CNTRL: variants seen among roughly 807,000 people sequenced by gnomAD.
The protein encoded by CNTRL is centriolin, also known as 110 kDa centrosomal protein.
Under a neutral mutation model 303.7 loss-of-function variants are expected in CNTRL, and 233 were observed. The observed-to-expected ratio is 0.77, with a 90% confidence interval of 0.69 to 0.86. The LOEUF is 0.86. Among genes scored for constraint, CNTRL ranks in the 40% least tolerant of loss-of-function variants. The probability of loss-of-function intolerance (pLI) is 0.00; values close to 1 mark genes in which losing one functional copy is unlikely to be tolerated. For missense variants in CNTRL, 2,524 were observed against 2,650.6 expected, an observed-to-expected ratio of 0.95 and a Z score of 1.05; for synonymous variants, 900 against 922.2, an observed-to-expected ratio of 0.98 and a Z score of 0.44.
chr9:121,131,648 G>T (rs921437315), intron 14 of CNTRL, among the ~76,000 whole-genome samples: 2 of 152,198 alleles, frequency 1.3e-5, no homozygotes, highest in East Asian at 3.8e-4. Context: ...GGTTAATATT[G>T]TTATGTGTGG....
At chr9:121,082,768 G>A (rs145511550) in intron 2 of CNTRL, among the ~76,000 whole-genome samples, 2,885 of 152,092 alleles carry the variant, frequency 0.019, 93 homozygotes, top group African/African-American at 0.066. Flanking sequence ...TCAGGAGTTC[G>A]AGACCAGCCT....
In CNTRL at chr9:121,092,460, T is replaced by G. The variant is rs540488101; in HGVS notation, c.348+2055T>G. On this transcript the variant is annotated intron_variant, in intron 4 of 43. Coordinates refer to ENST00000373855, the MANE Select transcript of CNTRL (RefSeq NM_007018.6). ...GATAGATAGATAATATATATCTATATATATATAATATATATCTATATATAT... is the reference window on the plus strand; with the variant it reads ...GATAGATAGATAATATATATCTATAGATATATAATATATATCTATATATAT... Among the ~76,000 whole-genome samples the G allele has an allele frequency of 7.0e-4, 78 of 112,172 alleles. 2 individuals are homozygous for G. The highest frequency in any genetic ancestry group is 2.7e-3 in the African/African-American group (76 of 28,404). 73.6% of individuals were successfully genotyped at this position (112,172 alleles called of 152,430 possible).
intron 7 of CNTRL, among the ~76,000 whole-genome samples, chr9:121,101,445 G>A (rs1205549659): frequency 6.6e-6 from 1 of 152,192 alleles, no homozygotes; most frequent in Non-Finnish European, 1.5e-5. Flanking sequence ...ACAAGAGACA[G>A]CAGAAAAGAT....
At chr9:121,109,829 T>G (rs1223060235) in intron 8 of CNTRL, among the ~76,000 whole-genome samples, 1 of 152,134 alleles carries the variant, frequency 6.6e-6, no homozygotes, top group African/African-American at 2.4e-5. Flanking sequence ...TTTTGAATTT[T>G]TATAGTTGTT....
At chr9:121,102,271 A>T (rs940004666) in intron 7 of CNTRL, among the ~76,000 whole-genome samples, 4 of 152,252 alleles carry the variant, frequency 2.6e-5, no homozygotes, top group East Asian at 1.9e-4. Context: ...AACATAATCC[A>T]TCGTATAAAC....
At position 121,098,575 on chromosome 9, in the gene CNTRL, A is replaced by G; in HGVS notation, c.808+3A>G. The G allele has an allele frequency of 6.4e-7, 1 of 1,559,038 alleles. No homozygotes were observed. The highest frequency in any genetic ancestry group is 8.7e-7 in the Non-Finnish European group (1 of 1,154,700). On this transcript the variant is annotated splice_donor_region_variant and intron_variant, in intron 7 of 43. Transcript: ENST00000373855. ...GGCTTTTGAGAGATTCAGTTTAGGT[A>G]AGATTAAATTTAAAAAATAATAAAT... is the stretch of plus-strand genomic sequence containing the variant.
chr9:121,165,476 A>G (rs2053051097), intron 35 of CNTRL, among the ~76,000 whole-genome samples: 1 of 152,228 alleles, frequency 6.6e-6, no homozygotes, highest in Admixed American at 6.5e-5. Context: ...TTGAAAAACA[A>G]AAACAAAGAT....
intron 40 of CNTRL, among the ~76,000 whole-genome samples, chr9:121,171,977 C>G (rs894938617): frequency 5.9e-5 from 9 of 152,114 alleles, no homozygotes; most frequent in Non-Finnish European, 1.0e-4. Flanking sequence ...CATGCCTGGA[C>G]TGGTAGAGTC....
chr9:121,167,361 T>C (rs12376765), intron 36 of CNTRL, 128 bp from the exon 37 acceptor site: 12 of 736,136 alleles, frequency 1.6e-5, no homozygotes, highest in Non-Finnish European at 2.6e-5. Flanking sequence ...GTAAGTTTAT[T>C]GAGATAATAA....
At chr9:121,152,420 G>A in intron 25 of CNTRL, 65 bp from the exon 26 acceptor site, 1 of 1,331,110 alleles carries the variant, frequency 7.5e-7, no homozygotes, top group African/African-American at 1.5e-5. Context: ...TTCAGCTTTT[G>A]GCAGGAAAGA....
intron 2 of CNTRL, among the ~76,000 whole-genome samples, chr9:121,083,034 C>G (rs2048205308): frequency 6.6e-6 from 1 of 150,874 alleles, no homozygotes; most frequent in East Asian, 1.9e-4. Context: ...AAAAAGTATA[C>G]CTGTATAGAG....
intron 8 of CNTRL, among the ~76,000 whole-genome samples, chr9:121,108,659 C>T (rs1157224893): frequency 6.6e-6 from 1 of 151,892 alleles, no homozygotes; most frequent in Non-Finnish European, 1.5e-5. Flanking sequence ...TTATGCCAGG[C>T]GCCATCGCTC....
rs572478762 is a variant in CNTRL at position 121,114,344 on chromosome 9, A to T, written c.1345+620A>T. Among the ~76,000 whole-genome samples the T allele has an allele frequency of 3.9e-5, 6 of 152,328 alleles. No individual in the cohort carries two copies. The East Asian group carries it at 1.2e-3, about 29-fold the overall frequency. Reference sequence around the variant, plus strand: ...AGAGAACTCTGACCAGGGTTTGTGCATCCCCCCAGCATTATGGCCCACTGT... The same window carrying T: ...AGAGAACTCTGACCAGGGTTTGTGCTTCCCCCCAGCATTATGGCCCACTGT... On this transcript the variant is annotated intron_variant, in intron 10 of 43. Coordinates refer to ENST00000373855, the MANE Select transcript of CNTRL (RefSeq NM_007018.6).
chr9:121,168,902 T>C (rs1036237170), intron 38 of CNTRL, among the ~76,000 whole-genome samples: 1 of 152,192 alleles, frequency 6.6e-6, no homozygotes, highest in Admixed American at 6.5e-5. Flanking sequence ...AGGGTTGTTA[T>C]TCCTTTTTCC....
At chr9:121,166,697 A>G (rs1392483698) in intron 36 of CNTRL, among the ~76,000 whole-genome samples, 1 of 152,182 alleles carries the variant, frequency 6.6e-6, no homozygotes, top group Non-Finnish European at 1.5e-5. Flanking sequence ...AGCACTTCAA[A>G]CAAGTTCTAG....
chr9:121,084,342 A>G (rs4837808), intron 2 of CNTRL, among the ~76,000 whole-genome samples: 103,392 of 152,108 alleles, frequency 0.68, 35,874 homozygotes, highest in East Asian at 0.96. Flanking sequence ...TCTTGATGTT[A>G]AGGACTAGTA....
At chr9:121,127,891 G>A (rs940187809) in intron 14 of CNTRL, among the ~76,000 whole-genome samples, 8 of 148,008 alleles carry the variant, frequency 5.4e-5, no homozygotes, top group African/African-American at 2.0e-4. Context: ...GAGAACATGC[G>A]GTGTTTGGTT....
rs200500136 is a variant in CNTRL at position 121,144,903 on chromosome 9, C to G, written c.3112C>G (p.Arg1038Gly). The part of the protein sequence containing the change: ...KAAQAARDLT[R>G]AEAEIELLQN... Reference sequence around the variant, plus strand: ...AGCACAAGCAGCCAGAGATCTCACCCGAGCAGAAGCTGAGATCGAACTCCT... The same window carrying G: ...AGCACAAGCAGCCAGAGATCTCACCGGAGCAGAAGCTGAGATCGAACTCCT... The change falls in exon 21 of 44, where the codon CGA becomes GGA. Residue 1038 changes from arginine to glycine, a missense_variant. Coordinates refer to ENST00000373855, the MANE Select transcript of CNTRL (RefSeq NM_007018.6). 7 of 1,613,434 alleles carry G rather than the reference C, an allele frequency of 4.3e-6. No homozygotes were observed. The highest frequency in any genetic ancestry group is 1.7e-5 in the Admixed American group (1 of 59,998).
intron 4 of CNTRL, among the ~76,000 whole-genome samples, chr9:121,092,920 C>T (rs2048728101): frequency 6.8e-6 from 1 of 146,952 alleles, no homozygotes; most frequent in African/African-American, 2.6e-5. Context: ...GATTTTCCTG[C>T]CTTAGCCTCC....
Sources: allele counts gnomAD v4.1 joint callset (sites outside exome capture counted in the v4.1 genomes callset), GRCh38; gene constraint gnomAD v4.1.1; transcripts MANE v1.5; gene names NCBI Gene and HGNC (gene_info 2026-07-23, HGNC 2026-07-21).